The following SLC4A11 variants were observed in gnomAD, a reference collection of about 807,000 sequenced individuals.
SLC4A11 encodes the protein bicarbonate transporter related protein 1.
In SLC4A11, 74 loss-of-function variants were observed where a neutral mutation model predicts 95.0. The observed-to-expected ratio is 0.78, with a 90% CI of 0.65 to 0.95. SLC4A11 has a LOEUF of 0.95. Among genes scored for constraint, SLC4A11 ranks in the 40% least tolerant of loss-of-function variants. The pLI is 0.00. For missense variants in SLC4A11, 1,081 were observed against 1,192.4 expected, an observed-to-expected ratio of 0.91 and a Z score of 1.38; for synonymous variants, 548 against 519.0, an observed-to-expected ratio of 1.06 and a Z score of -0.76.
At chr20:3,233,875 A>C in intron 6 of SLC4A11, 46 bp downstream of exon 6, 23 of 1,602,658 alleles carry the variant, frequency 1.4e-5, no homozygotes, top group Non-Finnish European at 2.0e-5. Context: ...TGGGACACCC[A>C]GTTCCACTGC....
At chr20:3,236,276 C>T (rs949408946) in intron 2 of SLC4A11, among the ~76,000 whole-genome samples, 1 of 152,198 alleles carries the variant, frequency 6.6e-6, no homozygotes, top group Non-Finnish European at 1.5e-5. Context: ...CAGGCCCAGG[C>T]CTGCACTACC....
rs2122545552 is a variant in SLC4A11, at chr20:3,230,790, G to A, written c.1224C>T (p.Phe408=). Residue 408 remains phenylalanine, a synonymous_variant, in exon 11 of 20, where the codon TTC becomes TTT. Transcript: ENST00000642402. ...QSIGGLLYAL[F]SGQPLVILLT... is the part of the protein sequence containing the mutation. ...GCAGAATCACCAATGGCTGCCCAGA[G>A]AAGAGCGCGTAGAGCAGGCCCCCGA... 1.2e-6 allele frequency: 2 copies of A among 1,613,366 alleles called. No homozygotes were observed. Among genetic ancestry groups the A allele is most frequent in the South Asian group, 1.1e-5 (1 of 91,084 alleles).
In SLC4A11 at chr20:3,228,437, G is replaced by A. The variant is rs41281858; in HGVS notation, c.2389-9C>T. On this transcript the variant is annotated splice_polypyrimidine_tract_variant and intron_variant, in intron 18 of 19. Coordinates refer to ENST00000642402, the MANE Select transcript of SLC4A11 (RefSeq NM_001174089.2). ...GTCGGGGGGTACGCAGTCTGTGGGC[G>A]GCAGGGACCGGGTGTGGGCAGGCAT... 215,155 of 1,612,928 alleles carry A rather than the reference G, an allele frequency of 0.13. 15,789 individuals are homozygous for A. The highest frequency in any genetic ancestry group is 0.28 in the African/African-American group (20,743 of 74,950).
chr20:3,228,575 G>A lies in SLC4A11; in HGVS notation c.2325C>T (p.Ile775=), dbSNP rs769476180. ...GGTTGCCATCGAGGGAGGTGAGCGC[G>A]ATGTAGAGGAAGAGGCCATAGAGCA... ...KPVLYGLFLY[I]ALTSLDGNQL... is the part of the protein sequence containing the mutation. Residue 775 remains isoleucine (I), a synonymous_variant, in exon 18 of 20, where the codon ATC becomes ATT. Transcript: ENST00000642402. 22 of 1,613,152 alleles carry A rather than the reference G, an allele frequency of 1.4e-5. No individual in the cohort carries two copies. Among genetic ancestry groups the A allele is most frequent in the Admixed American group, 1.2e-4 (7 of 60,002 alleles).
At position 3,237,597 on chromosome 20, in the gene SLC4A11, G is replaced by A. The variant is rs773708271; in HGVS notation, c.44-9C>T. On this transcript the variant is annotated splice_polypyrimidine_tract_variant and intron_variant, in intron 1 of 19. Coordinates refer to ENST00000642402, the MANE Select transcript of SLC4A11 (RefSeq NM_001174089.2). ...CATGGTGGGAGAGTTTTCTGCAAGGGAAGCAGAAAGGTCACCAGCCCCATG... is the reference window on the plus strand; with the variant it reads ...CATGGTGGGAGAGTTTTCTGCAAGGAAAGCAGAAAGGTCACCAGCCCCATG... 2.5e-6 allele frequency: 4 copies of A among 1,613,884 alleles called. No individual in the cohort carries two copies. The African/African-American group carries it at 4.0e-5, about 16-fold the overall frequency.
rs542935764 is a variant in SLC4A11 at position 3,239,172 on chromosome 20, G to T, written c.-35C>A. 3 of 1,435,924 alleles carry T rather than the reference G, an allele frequency of 2.1e-6. No individual in the cohort carries two copies. The Admixed American group carries it at 7.7e-5, about 37-fold the overall frequency. 88.9% of individuals were successfully genotyped at this position (1,435,924 alleles called of 1,614,324 possible). A position where few individuals can be genotyped will look rare whatever the true frequency, so the allele number is the denominator to read the frequency against. On this transcript the variant is annotated 5_prime_UTR_variant, in exon 1 of 20. Transcript: ENST00000642402. ...GCGCACTCACGGCCGGGCTCCTCACGCGGCGCTCCGGCGCTTCTGGACCCC... is the reference window on the plus strand; with the variant it reads ...GCGCACTCACGGCCGGGCTCCTCACTCGGCGCTCCGGCGCTTCTGGACCCC...
At chr20:3,228,226 G>A (rs1248910433) in intron 19 of SLC4A11, 33 bp downstream of exon 19, 2 of 1,604,336 alleles carry the variant, frequency 1.2e-6, no homozygotes, top group African/African-American at 2.7e-5. Context: ...ACCTAGACTG[G>A]GCCCCTCCTG....
rs768779679 is a variant in SLC4A11 at position 3,230,549 on chromosome 20, A to G, written c.1381T>C (p.Phe461Leu). ...AGACTCATGACCAGGCTGAGGTTGA[A>G]AAAGGCATAAAGCGCAAGGAAGAAA... The part of the protein sequence containing the change: ...NSFFLALYAF[F>L]NLSLVMSLFK... Residue 461 changes from phenylalanine to leucine, a missense_variant, in exon 12 of 20, where the codon TTC becomes CTC. Physicochemically the swap from Phe to Leu is conservative, Grantham distance 22. Around this residue, in one of 3 missense-constraint regions of SLC4A11, gnomAD observed 767 missense variants for 858.0 expected, o/e 0.89. Transcript: ENST00000642402. The G allele has an allele frequency of 6.2e-7, 1 of 1,613,970 alleles. No homozygotes were observed. Among genetic ancestry groups the G allele is most frequent in the Non-Finnish European group, 8.5e-7 (1 of 1,180,028 alleles).
chr20:3,229,073 C>T (rs1280458413), intron 16 of SLC4A11, 22 bp downstream of exon 16: 3 of 1,556,580 alleles, frequency 1.9e-6, no homozygotes, highest in Admixed American at 3.9e-5. Flanking sequence ...CCGCCCACCC[C>T]ACCCTCACCC....
Position 3,228,528 on chromosome 20 carries a change from AGGGCCACGCGCT to A in SLC4A11, c.2360_2371del (p.Gln787_Ala790del). 6.2e-7 allele frequency: 1 copy of A among 1,613,076 alleles called. No homozygotes were observed. Among genetic ancestry groups the A allele is most frequent in the Non-Finnish European group, 8.5e-7 (1 of 1,179,920 alleles). On this transcript the variant is annotated inframe_deletion, in exon 18 of 20. Transcript: ENST00000642402. ...AGCGCTCACCTGCTCCTTGAGCAGCAGGGCCACGCGCTGGACGAGCTGGTTGCCATCGAGGGA... is the reference window on the plus strand; with the variant it reads ...AGCGCTCACCTGCTCCTTGAGCAGCAGGACGAGCTGGTTGCCATCGAGGGA...
chr20:3,227,864 GA>G lies in SLC4A11; in HGVS notation c.2559-9del. 6.2e-7 allele frequency: 1 copy of G among 1,612,406 alleles called. No individual in the cohort carries two copies. Among genetic ancestry groups the G allele is most frequent in the Non-Finnish European group, 8.5e-7 (1 of 1,179,544 alleles). The stretch of plus-strand genomic sequence containing the variant: ...CGGGGCAGCAGGATATAGCTGTGGG[GA>G]GGGAGGGACAGGAGGATGAGCCTGG... On this transcript the variant is annotated splice_polypyrimidine_tract_variant and intron_variant, in intron 19 of 19. Coordinates refer to ENST00000642402, the MANE Select transcript of SLC4A11 (RefSeq NM_001174089.2).
At position 3,231,112 on chromosome 20, in the gene SLC4A11, G is replaced by A. The variant is rs372283602; in HGVS notation, c.1042+37C>T. 23 of 1,614,038 alleles carry A rather than the reference G, an allele frequency of 1.4e-5. No homozygotes were observed. The African/African-American group carries it at 1.7e-4, about 12-fold the overall frequency. On this transcript the variant is annotated intron_variant, in intron 9 of 19. Transcript: ENST00000642402. The surrounding 1 kb of genome is among the most constrained non-coding windows in gnomAD (Gnocchi z 5.2). ...TGCTGGGGATGCAGGACAGGCACAC[G>A]TGTGGGCCCAAGGCCTGGAAAGCAG...
intron 2 of SLC4A11, among the ~76,000 whole-genome samples, chr20:3,237,134 C>G (rs2068006511): frequency 6.6e-6 from 1 of 152,150 alleles, no homozygotes; most frequent in African/African-American, 2.4e-5. Context: ...GCAGGGACAG[C>G]AGGAAGGTGC....
chr20:3,234,007 G>A lies in SLC4A11; in HGVS notation c.524-5C>T. The A allele has an allele frequency of 1.9e-6, 3 of 1,613,904 alleles. No homozygotes were observed. The highest frequency in any genetic ancestry group is 2.5e-6 in the Non-Finnish European group (3 of 1,180,002). ...TGGTATCTGACAGCAGGTGGACTGA[G>A]GAAAGAGTGAGGGGGAGGGTGGTGG... On this transcript the variant is annotated splice_polypyrimidine_tract_variant and splice_region_variant and intron_variant, in intron 5 of 19. Transcript: ENST00000642402. The surrounding 1 kb of genome is among the most constrained non-coding windows in gnomAD (Gnocchi z 5.8).
chr20:3,230,797 G>A lies in SLC4A11; in HGVS notation c.1217C>T (p.Ala406Val), dbSNP rs748130946. The stretch of plus-strand genomic sequence containing the variant: ...CACCAATGGCTGCCCAGAGAAGAGC[G>A]CGTAGAGCAGGCCCCCGATGCTCTG... ...AGQSIGGLLY[A>V]LFSGQPLVIL... Residue 406 changes from alanine to valine, a missense_variant, in exon 11 of 20, where the codon GCG (alanine) becomes GTG (valine). Ala to Val is a moderately conservative substitution (Grantham distance 64). Coordinates refer to ENST00000642402, the MANE Select transcript of SLC4A11 (RefSeq NM_001174089.2). The A allele has an allele frequency of 1.1e-5, 17 of 1,613,190 alleles. No individual in the cohort carries two copies. Among genetic ancestry groups the A allele is most frequent in the South Asian group, 6.6e-5 (6 of 91,092 alleles).
chr20:3,236,141 C>T (rs778239792), intron 2 of SLC4A11, among the ~76,000 whole-genome samples: 4 of 152,168 alleles, frequency 2.6e-5, no homozygotes, highest in African/African-American at 7.2e-5. Context: ...CTTCTACTCC[C>T]GCCGCCAGTT....
Position 3,231,557 on chromosome 20 carries a change from G to A in SLC4A11, c.730-9C>T. ...GCAGTCTTAGTGCTTTTCTAGGGGT[G>A]GAGGATGGGAGTCACCCCTAGAAAC... On this transcript the variant is annotated splice_polypyrimidine_tract_variant and intron_variant, in intron 7 of 19. Coordinates refer to ENST00000642402, the MANE Select transcript of SLC4A11 (RefSeq NM_001174089.2). This position sits in a 1 kb window ranked among gnomAD's most constrained non-coding sequence, Gnocchi z 5.2. 1.9e-6 allele frequency: 3 copies of A among 1,606,452 alleles called. No individual in the cohort carries two copies. Among genetic ancestry groups the A allele is most frequent in the Non-Finnish European group, 2.5e-6 (3 of 1,177,684 alleles).
In SLC4A11 at chr20:3,229,666, T is replaced by C; in HGVS notation, c.1600A>G (p.Thr534Ala). Residue 534 changes from threonine to alanine, a missense_variant, in exon 14 of 20, where the codon ACT becomes GCT. Around this residue, in one of 3 missense-constraint regions of SLC4A11, gnomAD observed 767 missense variants for 858.0 expected, o/e 0.89. Coordinates refer to ENST00000642402, the MANE Select transcript of SLC4A11 (RefSeq NM_001174089.2). ...GCGAGGAAGCTGGCGTTGAGGGCAG[T>C]GTGGAGGCTGGCGTTGAGGCTGGCG... Reference protein sequence around the residue: ...LGASLNASLHTALNASFLASP... With the variant: ...LGASLNASLHAALNASFLASP... 1.2e-6 allele frequency: 2 copies of C among 1,613,834 alleles called. No homozygotes were observed. The highest frequency in any genetic ancestry group is 1.7e-6 in the Non-Finnish European group (2 of 1,179,962).
chr20:3,233,593 C>T lies in SLC4A11; in HGVS notation c.650G>A (p.Arg217His), dbSNP rs199724748. The change falls in exon 7 of 20, where the codon CGC (arginine) becomes CAC (histidine). Residue 217 changes from arginine (R) to histidine (H), a missense_variant. Around this residue, in one of 3 missense-constraint regions of SLC4A11, gnomAD observed 310 missense variants for 313.5 expected, o/e 0.99. Transcript: ENST00000642402. Reference protein sequence around the residue: ...ALQKRHVCISRLVRPQNWGEN... With the variant: ...ALQKRHVCISHLVRPQNWGEN... ...CCCCCAGTTCTGTGGGCGAACCAGG[C>T]GGCTGATGCACACGTGCCGCTTCTG... 8.1e-6 allele frequency: 13 copies of T among 1,613,512 alleles called. No homozygotes were observed. Among genetic ancestry groups the T allele is most frequent in the Admixed American group, 3.3e-5 (2 of 60,006 alleles).
Sources: allele counts gnomAD v4.1 joint callset (sites outside exome capture counted in the v4.1 genomes callset), GRCh38; gene constraint gnomAD v4.1.1; regional missense constraint gnomAD v4.1.1; non-coding constraint Gnocchi (gnomAD v3.1); transcripts MANE v1.5; gene names NCBI Gene and HGNC (gene_info 2026-07-23, HGNC 2026-07-21).